The following PTK2 variants were observed in gnomAD, a reference collection of about 807,000 sequenced individuals.
PTK2 encodes focal adhesion kinase 1.
A neutral mutation model predicts 150.1 loss-of-function variants in PTK2; 45 were observed. The ratio of observed to expected loss-of-function variants is 0.30; its 90% confidence interval spans 0.24 to 0.38. The LOEUF is 0.38. PTK2 is among the 10% of genes least tolerant of loss of function. The pLI is 1.00. For missense variants in PTK2, 919 were observed against 1,307.3 expected (o/e 0.70, Z 4.58); for synonymous variants, 432 against 449.2 (o/e 0.96, Z 0.48).
At chr8:140,830,384 T>C (rs1567163407) in intron 8 of PTK2, 88 bp downstream of exon 8, 1 of 815,110 alleles carries the variant, frequency 1.2e-6, no homozygotes, top group East Asian at 2.9e-5. Flanking sequence ...GGAAACTACA[T>C]TTTACTTTCC....
chr8:140,863,027 T>C (rs2100137138), intron 5 of PTK2, among the ~76,000 whole-genome samples: 1 of 152,158 alleles, frequency 6.6e-6, no homozygotes, highest in South Asian at 2.1e-4. Context: ...CTTCCTACTC[T>C]CTCAGCTTGA....
intron 23 of PTK2, among the ~76,000 whole-genome samples, chr8:140,717,344 G>T (rs2100040255): frequency 6.6e-6 from 1 of 152,178 alleles, no homozygotes; most frequent in African/African-American, 2.4e-5. Context: ...CATAGGAAAA[G>T]CATTTTAAGA....
chr8:140,732,679 T>C (rs1472977771), intron 22 of PTK2: 2 of 438,324 alleles, frequency 4.6e-6, no homozygotes, highest in Non-Finnish European at 9.3e-6. Context: ...TTTGCCCCAG[T>C]GACTAGCACC....
At chr8:140,665,081 T>C (rs1265843295) in intron 30 of PTK2, 84 bp from the exon 35 acceptor site, 4 of 1,280,756 alleles carry the variant, frequency 3.1e-6, no homozygotes, top group Admixed American at 2.4e-5. Context: ...TTATTTCCTT[T>C]CCACAAGTTT....
intron 1 of PTK2, among the ~76,000 whole-genome samples, chr8:140,963,142 T>TA (rs2100183981): frequency 7.2e-6 from 1 of 138,224 alleles, no homozygotes. Flanking sequence ...ATACAGCCTA[T>TA]ATATGTTCTT....
intron 26 of PTK2, among the ~76,000 whole-genome samples, chr8:140,697,669 G>T (rs751905641): frequency 1.3e-5 from 2 of 152,010 alleles, no homozygotes; most frequent in Non-Finnish European, 2.9e-5. Flanking sequence ...GCCTCTCAAA[G>T]TGCTGGGGTT....
intron 4 of PTK2, among the ~76,000 whole-genome samples, chr8:140,871,787 G>T (rs1460865065): frequency 6.6e-6 from 1 of 152,150 alleles, no homozygotes; most frequent in Non-Finnish European, 1.5e-5. Context: ...GCTAAGAAAG[G>T]AGGACTACTT....
intron 2 of PTK2, among the ~76,000 whole-genome samples, chr8:140,907,005 T>A (rs911927644): frequency 6.6e-6 from 1 of 152,190 alleles, no homozygotes; most frequent in Non-Finnish European, 1.5e-5. Context: ...AAGCCTATAC[T>A]AAGAATACCA....
intron 11 of PTK2, among the ~76,000 whole-genome samples, chr8:140,801,753 A>G (rs1276984328): frequency 2.0e-5 from 3 of 152,214 alleles, no homozygotes; most frequent in African/African-American, 7.2e-5. Context: ...TGGACAACAC[A>G]GTGTGGAAAT....
At chr8:140,721,405 T>C (rs1346451131) in intron 22 of PTK2, among the ~76,000 whole-genome samples, 1 of 152,172 alleles carries the variant, frequency 6.6e-6, no homozygotes, top group African/African-American at 2.4e-5. Context: ...CTATAAGGAA[T>C]AGGAGTTGAT....
At chr8:140,766,676 A>T (rs1218283535) in intron 14 of PTK2, among the ~76,000 whole-genome samples, 1 of 152,214 alleles carries the variant, frequency 6.6e-6, no homozygotes, top group African/African-American at 2.4e-5. Context: ...GCACTGCAAC[A>T]ATCAGTAAAG....
chr8:140,971,677 G>C (rs866957560), intron 1 of PTK2, among the ~76,000 whole-genome samples: 2 of 152,226 alleles, frequency 1.3e-5, no homozygotes, highest in Non-Finnish European at 2.9e-5. Context: ...TTCAATGACA[G>C]CTAACATTTG....
chr8:140,712,195 T>TAA lies in PTK2; in HGVS notation c.2142+5401_2142+5402dup, dbSNP rs76500057. On this transcript the variant is annotated intron_variant, in intron 23 of 31. Transcript: ENST00000522684. Reference sequence around the variant, plus strand: ...ACTTAAGAATAAGCTCATCACATACTAAAAAAAAAAAACCTACTTTTTCAA... The same window carrying TAA: ...ACTTAAGAATAAGCTCATCACATACTAAAAAAAAAAAAAACCTACTTTTTCAA... Among the ~76,000 whole-genome samples the TAA allele has an allele frequency of 4.4e-3, 619 of 141,418 alleles. 5 individuals carry two copies. The highest frequency in any genetic ancestry group is 4.0e-3 in the Non-Finnish European group (257 of 64,426). 92.8% of individuals were successfully genotyped at this position (141,418 alleles called of 152,430 possible).
chr8:140,893,369 G>A (rs573618497), intron 2 of PTK2, among the ~76,000 whole-genome samples: 10 of 152,198 alleles, frequency 6.6e-5, no homozygotes, highest in South Asian at 2.1e-4. Flanking sequence ...CCACAATACC[G>A]AAAAGTGATA....
chr8:140,658,433 G>T (rs1244631120), exon 32 of PTK2: 1 of 184,744 alleles, frequency 5.4e-6, no homozygotes, highest in Non-Finnish European at 1.2e-5. Flanking sequence ...ATAGGTCAAA[G>T]TAACTGTACA....
Position 140,846,111 on chromosome 8 carries a change from A to C in PTK2, c.593+149T>G. 3.4e-6 allele frequency: 2 copies of C among 594,914 alleles called. No homozygotes were observed. Among genetic ancestry groups the C allele is most frequent in the Non-Finnish European group, 5.7e-6 (2 of 349,014 alleles). 36.9% of individuals were successfully genotyped at this position (594,914 alleles called of 1,614,324 possible). On this transcript the variant is annotated intron_variant, in intron 7 of 31. Coordinates refer to ENST00000522684, the Ensembl canonical transcript of PTK2. ...ACAAATCTAAATGTTTATTAACACA[A>C]TTAATGTCATCAAGGATTCTGTCCT...
At chr8:140,908,207 C>G (rs536397075) in intron 2 of PTK2, among the ~76,000 whole-genome samples, 4 of 152,288 alleles carry the variant, frequency 2.6e-5, no homozygotes, top group African/African-American at 4.8e-5. Flanking sequence ...TCAAACCAGT[C>G]ACAACATTCC....
intron 15 of PTK2, 51 bp from the exon 19 acceptor site, chr8:140,761,313 A>G (rs1248017276): frequency 7.5e-7 from 1 of 1,340,312 alleles, no homozygotes; most frequent in East Asian, 2.3e-5. Context: ...TTCCAAATGT[A>G]GAAATAACAC....
At chr8:140,743,582 A>T (rs1254535703) in intron 19 of PTK2, among the ~76,000 whole-genome samples, 1 of 152,118 alleles carries the variant, frequency 6.6e-6, no homozygotes, top group Non-Finnish European at 1.5e-5. Context: ...ATGGCAAAGT[A>T]CATTCTAAAA....
Sources: gnomAD v4.1 joint callset for allele counts (sites outside exome capture counted in the v4.1 genomes callset) on GRCh38, gnomAD v4.1.1 for gene constraint, MANE v1.5 for transcripts, NCBI Gene and HGNC (gene_info 2026-07-23, HGNC 2026-07-21) for gene names.